The following AP3D1 variants were observed in gnomAD, a reference collection of about 807,000 sequenced individuals.
The protein encoded by AP3D1 is adaptor related protein complex 3 subunit delta 1, also known as AP-3 complex subunit delta-1.
Under a neutral mutation model 147.6 loss-of-function variants are expected in AP3D1, and 51 were observed. That is an observed-to-expected ratio of 0.35 (90% CI 0.28 to 0.44). AP3D1 has a LOEUF of 0.44. Ranked by LOEUF, AP3D1 falls within the 20% of genes least tolerant of loss-of-function variation. The pLI is 1.00. For missense variants in AP3D1, 1,421 were observed against 1,624.2 expected (o/e 0.87, Z 2.15); for synonymous variants, 760 against 663.0 (o/e 1.15, Z -2.25).
intron 8 of AP3D1, among the ~76,000 whole-genome samples, chr19:2,128,323 G>A (rs1323698956): frequency 6.7e-6 from 1 of 150,344 alleles, no homozygotes; most frequent in African/African-American, 2.5e-5. Flanking sequence ...GCATGGAGAA[G>A]AGTCTAGTGG....
Position 2,125,476 on chromosome 19 carries a change from C to T in AP3D1, c.857-1597G>A, listed in dbSNP as rs529473230. Among the ~76,000 whole-genome samples the T allele has an allele frequency of 1.6e-3, 250 of 152,242 alleles. 1 individual carries two copies. The highest frequency in any genetic ancestry group is 2.9e-3 in the Non-Finnish European group (194 of 68,016). On this transcript the variant is annotated intron_variant, in intron 9 of 31. Transcript: ENST00000643116. Reference sequence around the variant, plus strand: ...GATTACAGGCGCCCGACACCAAGCCCTGCTAATTTTTGTATTTTTTAGGTA... The same window carrying T: ...GATTACAGGCGCCCGACACCAAGCCTTGCTAATTTTTGTATTTTTTAGGTA...
intron 6 of AP3D1, 114 bp downstream of exon 6, chr19:2,130,294 G>T: frequency 2.0e-6 from 3 of 1,491,742 alleles, no homozygotes; most frequent in Admixed American, 2.0e-5. Context: ...CATGTTCCTG[G>T]ACTGAGCCCT....
intron 4 of AP3D1, among the ~76,000 whole-genome samples, chr19:2,134,356 GGCTGCA>G (rs2019024033): frequency 6.6e-6 from 1 of 152,000 alleles, no homozygotes; most frequent in African/African-American, 2.4e-5. Context: ...AGGAGGTCGA[GGCTGCA>G]GTGAGCTGCA....
At position 2,109,272 on chromosome 19, in the gene AP3D1, G is replaced by C. The variant is rs1191995837; in HGVS notation, c.3351-65C>G. 3.3e-6 allele frequency: 5 copies of C among 1,507,288 alleles called. No individual in the cohort carries two copies. In the South Asian group the frequency reaches 6.8e-5, roughly 20 times the overall value. 93.4% of individuals were successfully genotyped at this position (1,507,288 alleles called of 1,614,324 possible). ...GCTCCTCAGGCTTCCTGGCACAGAG[G>C]CCAACAAAACCTGCCACACACGCTG... is the stretch of plus-strand genomic sequence containing the variant. On this transcript the variant is annotated intron_variant, in intron 29 of 31. Coordinates refer to ENST00000643116, the MANE Select transcript of AP3D1 (RefSeq NM_001261826.3).
intron 31 of AP3D1, among the ~76,000 whole-genome samples, chr19:2,106,726 G>C (rs1330688650): frequency 6.6e-6 from 1 of 152,126 alleles, no homozygotes; most frequent in African/African-American, 2.4e-5. Context: ...GCTGTGAAAA[G>C]GAAGGGAATC....
At position 2,151,432 on chromosome 19, in the gene AP3D1, C is replaced by T. The variant is rs552226119; in HGVS notation, c.-98G>A. The T allele has an allele frequency of 0.017, 12,261 of 737,054 alleles. 124 individuals are homozygous for T. The highest frequency in any genetic ancestry group is 0.041 in the Middle Eastern group (69 of 1,666). The allele number at this position is 737,054 out of a possible 1,614,324, so 45.7% of individuals were successfully genotyped here. ...TGCCGCCCGCGGAGCGCCGCGCTGC[C>T]GGCCGCTGCGGCGGGGCAAGCTCCC... On this transcript the variant is annotated 5_prime_UTR_variant, in exon 1 of 32. Transcript: ENST00000643116.
chr19:2,155,979 G>A (rs1218524387), upstream of AP3D1, among the ~76,000 whole-genome samples: 1 of 151,792 alleles, frequency 6.6e-6, no homozygotes, highest in African/African-American at 2.4e-5. Flanking sequence ...CGTGTACCCG[G>A]GAGGCGGAGC....
rs111908193 is a variant in AP3D1, at chr19:2,110,202, A to G, written c.3198T>C (p.Tyr1066=). ...TGACGATGCTCTGGATGGTGAACACATACTGGGCTTCGTTGGAGACGCCTG... is the reference window on the plus strand; with the variant it reads ...TGACGATGCTCTGGATGGTGAACACGTACTGGGCTTCGTTGGAGACGCCTG... The part of the protein sequence containing the change: ...LPPGVSNEAQ[Y]VFTIQSIVMA... Residue 1066 remains tyrosine (Y), a synonymous_variant, in exon 28 of 32, where the codon TAT becomes TAC. Coordinates refer to ENST00000643116, the MANE Select transcript of AP3D1 (RefSeq NM_001261826.3). 355 of 1,612,536 alleles carry G rather than the reference A, an allele frequency of 2.2e-4. 1 individual carries two copies. In the African/African-American group the frequency reaches 2.7e-3, roughly 12 times the overall value.
intron 31 of AP3D1, among the ~76,000 whole-genome samples, chr19:2,103,220 TA>T (rs68118513): frequency 0.18 from 27,475 of 148,908 alleles, 4,219 homozygotes; most frequent in African/African-American, 0.41. Flanking sequence ...TGCTAATTAT[TA>T]AAAAAAAAAA....
At chr19:2,138,741 T>C (rs1002432419) in intron 1 of AP3D1, 27 bp from the exon 2 acceptor site, 2 of 1,513,366 alleles carry the variant, frequency 1.3e-6, no homozygotes, top group African/African-American at 2.7e-5. Context: ...ACACAGAGAT[T>C]ACAAACATCC....
At chr19:2,107,912 G>A (rs1038722066) in intron 31 of AP3D1, among the ~76,000 whole-genome samples, 2 of 152,122 alleles carry the variant, frequency 1.3e-5, no homozygotes, top group African/African-American at 4.8e-5. Context: ...GATTCCTTGC[G>A]CTAATTCTTT....
intron 17 of AP3D1, 143 bp from the exon 18 acceptor site, chr19:2,116,421 C>A: frequency 8.2e-7 from 1 of 1,220,918 alleles, no homozygotes; most frequent in South Asian, 1.5e-5. Context: ...GAAACCAAGG[C>A]CCGCAATTGG....
chr19:2,137,812 T>G lies in AP3D1; in HGVS notation c.193-5A>C, dbSNP rs1309013973. The G allele has an allele frequency of 6.2e-7, 1 of 1,613,710 alleles. No homozygotes were observed. The highest frequency in any genetic ancestry group is 1.1e-5 in the South Asian group (1 of 91,052). ...GTCGTATCCCAACATCTGTAACTGT[T>G]AAGGGACGCACAGGAAATTGCACTC... On this transcript the variant is annotated splice_region_variant and splice_polypyrimidine_tract_variant and intron_variant, in intron 2 of 31. Transcript: ENST00000643116.
Position 2,114,788 on chromosome 19 carries a change from G to A in AP3D1, c.2383C>T (p.Pro795Ser). 1.2e-6 allele frequency: 2 copies of A among 1,614,088 alleles called. No homozygotes were observed. Among genetic ancestry groups the A allele is most frequent in the Non-Finnish European group, 1.7e-6 (2 of 1,179,982 alleles). ...ALPSDEDDKD[P>S]NDPYRALDID... Reference sequence around the variant, plus strand: ...TCCAGAGCCCTGTAGGGGTCGTTGGGGTCTTTGTCATCCTCGTCGCTGGGC... The same window carrying A: ...TCCAGAGCCCTGTAGGGGTCGTTGGAGTCTTTGTCATCCTCGTCGCTGGGC... The change falls in exon 21 of 32, where the codon CCC (proline) becomes TCC (serine). Residue 795 changes from proline (P) to serine (S), a missense_variant. Pro to Ser is a moderately conservative substitution (Grantham distance 74). Around this residue, in one of 6 missense-constraint regions of AP3D1, gnomAD observed 791 missense variants for 761.4 expected, o/e 1.04. Coordinates refer to ENST00000643116, the MANE Select transcript of AP3D1 (RefSeq NM_001261826.3).
chr19:2,111,497 A>G, intron 25 of AP3D1, 165 bp from the exon 26 acceptor site: 2 of 1,199,832 alleles, frequency 1.7e-6, no homozygotes, highest in East Asian at 2.6e-5. Flanking sequence ...AGGACCACAC[A>G]GCCCACCACG....
chr19:2,160,053 G>T (rs950372689), intron 1 of AP3D1, among the ~76,000 whole-genome samples: 2 of 151,600 alleles, frequency 1.3e-5, no homozygotes, highest in African/African-American at 4.8e-5. Context: ...GTTTCACCAT[G>T]TTGGTCAGGC....
Position 2,112,857 on chromosome 19 carries a change from C to A in AP3D1, c.2787+3G>T. On this transcript the variant is annotated splice_donor_region_variant and intron_variant, in intron 24 of 31. Coordinates refer to ENST00000643116, the MANE Select transcript of AP3D1 (RefSeq NM_001261826.3). ...ACAGCCCCTGGGGGAGTGACAGCCT[C>A]ACCTTGTCCTGGTCTTGCCCCTCGG... The A allele has an allele frequency of 6.2e-6, 10 of 1,607,958 alleles. No individual in the cohort carries two copies. The highest frequency in any genetic ancestry group is 8.5e-6 in the Non-Finnish European group (10 of 1,176,944).
At position 2,111,710 on chromosome 19, in the gene AP3D1, T is replaced by C; in HGVS notation, c.2906A>G (p.Gln969Arg). The change falls in exon 25 of 32, where the codon CAG (glutamine) becomes CGG (arginine). Residue 969 changes from glutamine (Q) to arginine (R), a missense_variant. This residue lies in a region of AP3D1 where 791 missense variants were observed against 761.4 expected (regional missense o/e 1.04). Coordinates refer to ENST00000643116, the MANE Select transcript of AP3D1 (RefSeq NM_001261826.3). ...GSEEAAGEPV[Q>R]NGAPEEEQLP... ...CTGCTCCTCCTCTGGCGCGCCATTCTGCACCGGCTCCCCCGCTGCCTCCTC... is the reference window on the plus strand; with the variant it reads ...CTGCTCCTCCTCTGGCGCGCCATTCCGCACCGGCTCCCCCGCTGCCTCCTC... 6.2e-7 allele frequency: 1 copy of C among 1,601,394 alleles called. No individual in the cohort carries two copies. Among genetic ancestry groups the C allele is most frequent in the Admixed American group, 1.7e-5 (1 of 58,522 alleles).
chr19:2,109,542 G>C (rs571723705), intron 29 of AP3D1: 63 of 489,708 alleles, frequency 1.3e-4, no homozygotes, highest in South Asian at 1.3e-3. Flanking sequence ...GAGGACTCAG[G>C]GGGGAGGGGG....
Sources: allele counts gnomAD v4.1 joint callset (sites outside exome capture counted in the v4.1 genomes callset), GRCh38; gene constraint gnomAD v4.1.1; regional missense constraint gnomAD v4.1.1; transcripts MANE v1.5; gene names NCBI Gene and HGNC (gene_info 2026-07-23, HGNC 2026-07-21).